Variants in GNE observed in about 807,000 individuals in gnomAD.
GNE encodes bifunctional UDP-N-acetylglucosamine 2-epimerase/N-acetylmannosamine kinase.
A neutral mutation model predicts 61.8 loss-of-function variants in GNE; 41 were observed. The observed-to-expected ratio is 0.66, with a 90% CI of 0.52 to 0.86. GNE has a LOEUF of 0.86. Among genes scored for constraint, GNE ranks in the 40% least tolerant of loss-of-function variants. The pLI is 0.00. For synonymous variants in GNE, 264 were observed against 326.4 expected (o/e 0.81, Z 2.06); for missense variants, 608 against 909.1 (o/e 0.67, Z 4.26).
intron 5 of GNE, among the ~76,000 whole-genome samples, chr9:36,229,540 C>T (rs1015160567): frequency 5.9e-5 from 9 of 152,046 alleles, no homozygotes; most frequent in African/African-American, 2.2e-4. Context: ...GTAAATCTAG[C>T]GAAAATGGCC....
At chr9:36,230,087 C>T (rs2133053074) in intron 5 of GNE, among the ~76,000 whole-genome samples, 1 of 152,212 alleles carries the variant, frequency 6.6e-6, no homozygotes, top group Admixed American at 6.5e-5. Flanking sequence ...GCTGGGATTG[C>T]AGGCGTGTAC....
At chr9:36,250,493 C>T (rs1050707458) in intron 1 of GNE, among the ~76,000 whole-genome samples, 1 of 152,140 alleles carries the variant, frequency 6.6e-6, no homozygotes, top group Admixed American at 6.6e-5. Context: ...ATCCAAATGC[C>T]TTCAAATCCT....
intron 2 of GNE, among the ~76,000 whole-genome samples, 178 bp from the exon 3 acceptor site, chr9:36,246,660 CTTTTTTTTTTTT>C (rs66781293): frequency 5.0e-5 from 6 of 119,062 alleles, no homozygotes; most frequent in African/African-American, 1.9e-4. Flanking sequence ...GATTAAGATT[CTTTTTTTTTTTT>C]TTTTTTTTTT....
chr9:36,225,534 C>G (rs181553371), intron 7 of GNE, among the ~76,000 whole-genome samples: 75 of 152,260 alleles, frequency 4.9e-4, no homozygotes, highest in African/African-American at 1.8e-3. Context: ...ACTCAGGAGG[C>G]TGAAGCACAA....
intron 9 of GNE, among the ~76,000 whole-genome samples, chr9:36,222,419 A>AG (rs35038693): frequency 4.9e-5 from 1 of 20,252 alleles, no homozygotes; most frequent in Non-Finnish European, 1.2e-4. Flanking sequence ...ACTCCGTCTC[A>AG]AAAAAAAAAA....
Position 36,243,963 on chromosome 9 carries a change from T to G in GNE, c.616+2068A>C, listed in dbSNP as rs959493761. On this transcript the variant is annotated intron_variant, in intron 3 of 11. Coordinates refer to ENST00000642385, the MANE Select transcript of GNE (RefSeq NM_005476.7). The stretch of plus-strand genomic sequence containing the variant: ...TTTTTTTGTTATTGTTTTTTGTTTT[T>G]TTTTGTTTTGTTTTGTTTGAGACAG... Among the ~76,000 whole-genome samples the G allele has an allele frequency of 2.2e-4, 34 of 152,072 alleles. No individual in the cohort carries two copies. In the East Asian group the frequency reaches 3.9e-3, roughly 17 times the overall value.
chr9:36,269,765 G>A (rs901569240), intron 1 of GNE, among the ~76,000 whole-genome samples: 2 of 149,610 alleles, frequency 1.3e-5, no homozygotes, highest in African/African-American at 2.5e-5. Context: ...AGGTTCAAGC[G>A]ATTCTCCTGC....
chr9:36,223,077 A>G (rs1563930456), intron 8 of GNE, 79 bp from the exon 9 acceptor site: 3 of 1,319,460 alleles, frequency 2.3e-6, no homozygotes, highest in Non-Finnish European at 3.3e-6. Flanking sequence ...TGTCTTAAGA[A>G]CACAGATTCA....
At chr9:36,238,399 C>T (rs993549328) in intron 3 of GNE, among the ~76,000 whole-genome samples, 5 of 152,210 alleles carry the variant, frequency 3.3e-5, no homozygotes, top group South Asian at 2.1e-4. Context: ...ACCACATCCA[C>T]GCCAGCATCT....
Position 36,217,270 on chromosome 9 carries a change from C to T in GNE, c.*95G>A. The stretch of plus-strand genomic sequence containing the variant: ...TGCCAAAGTCACCTGCAGTTCAATA[C>T]CAGATTTGATTGTTAAGAAACGGTC... On this transcript the variant is annotated 3_prime_UTR_variant, in exon 12 of 12. Transcript: ENST00000642385. The T allele has an allele frequency of 3.5e-6, 3 of 853,676 alleles. No individual in the cohort carries two copies. The highest frequency in any genetic ancestry group is 5.8e-6 in the Non-Finnish European group (3 of 516,330). 52.9% of individuals were successfully genotyped at this position (853,676 alleles called of 1,614,324 possible).
chr9:36,262,542 G>A (rs1462787162), upstream of GNE, among the ~76,000 whole-genome samples: 1 of 152,030 alleles, frequency 6.6e-6, no homozygotes, highest in African/African-American at 2.4e-5. Flanking sequence ...TGTATGATTT[G>A]GTTTCATTTG....
Position 36,257,236 on chromosome 9 carries a change from A to G in GNE, c.-43+1085T>C, listed in dbSNP as rs1830392325. 2.0e-5 allele frequency among the ~76,000 whole-genome samples: 3 copies of G among 152,288 alleles called. No individual in the cohort carries two copies. The South Asian group carries it at 6.2e-4, about 32-fold the overall frequency. On this transcript the variant is annotated intron_variant, in intron 1 of 11. Coordinates refer to ENST00000642385, the MANE Select transcript of GNE (RefSeq NM_005476.7). ...TGCCTTGTGTCTGTTCATTCCATAA[A>G]CATCCATGAGTACAAATCTTCCTCG...
intron 5 of GNE, among the ~76,000 whole-genome samples, chr9:36,231,625 C>G (rs1394755740): frequency 6.6e-6 from 1 of 152,186 alleles, no homozygotes; most frequent in African/African-American, 2.4e-5. Context: ...AAAACAGAGA[C>G]TTGCAAGCAA....
intron 7 of GNE, among the ~76,000 whole-genome samples, chr9:36,224,295 A>G (rs1049551334): frequency 2.0e-5 from 3 of 151,964 alleles, no homozygotes; most frequent in Non-Finnish European, 4.4e-5. Flanking sequence ...TTAGCCAGGC[A>G]TGTTGGCACA....
At chr9:36,272,051 C>G (rs1831048568) in intron 1 of GNE, among the ~76,000 whole-genome samples, 1 of 152,182 alleles carries the variant, frequency 6.6e-6, no homozygotes, top group African/African-American at 2.4e-5. Flanking sequence ...ACCATCTAGG[C>G]TCACGATCGT....
At chr9:36,271,320 A>T (rs1481868630) in intron 1 of GNE, among the ~76,000 whole-genome samples, 1 of 152,152 alleles carries the variant, frequency 6.6e-6, no homozygotes, top group African/African-American at 2.4e-5. Context: ...ATCCCAAAAT[A>T]ATCTGTTCCT....
chr9:36,251,568 C>A (rs796136933), intron 1 of GNE, among the ~76,000 whole-genome samples: 1 of 152,130 alleles, frequency 6.6e-6, no homozygotes, highest in African/African-American at 2.4e-5. Context: ...GAACTACAGG[C>A]ATACACCACT....
chr9:36,252,685 G>T (rs947479937), intron 1 of GNE, among the ~76,000 whole-genome samples: 1 of 151,972 alleles, frequency 6.6e-6, no homozygotes, highest in African/African-American at 2.4e-5. Flanking sequence ...TTTAAGGGGA[G>T]GTTTTAAAAA....
intron 6 of GNE, 53 bp from the exon 7 acceptor site, chr9:36,227,511 G>T (rs573952431): frequency 1.8e-6 from 2 of 1,089,862 alleles, no homozygotes; most frequent in South Asian, 1.2e-5. Flanking sequence ...TACATGTTAA[G>T]TGGTAGTGAG....
Sources: gnomAD v4.1 joint callset for allele counts (sites outside exome capture counted in the v4.1 genomes callset) on GRCh38, gnomAD v4.1.1 for gene constraint, MANE v1.5 for transcripts, NCBI Gene and HGNC (gene_info 2026-07-23, HGNC 2026-07-21) for gene names.